IARS1: variants seen among roughly 807,000 people sequenced by gnomAD.
IARS1 encodes the protein isoleucyl-tRNA synthetase 1.
IARS1 carries 124 observed loss-of-function variants against 168.2 expected under a neutral mutation model. The ratio of observed to expected loss-of-function variants is 0.74; its 90% CI spans 0.64 to 0.86. IARS1 has a LOEUF of 0.86. Ranked by LOEUF, IARS1 falls within the 40% of genes least tolerant of loss-of-function variation. IARS1 has a pLI of 0.00. For synonymous variants in IARS1, 532 were observed against 529.4 expected (o/e 1.00, Z -0.07); for missense variants, 1,452 against 1,515.8 (o/e 0.96, Z 0.70).
At chr9:92,268,434 G>A in intron 13 of IARS1, 134 bp from the exon 14 acceptor site, 1 of 828,094 alleles carries the variant, frequency 1.2e-6, no homozygotes, top group Non-Finnish European at 1.9e-6. Flanking sequence ...ACTGCAAAGA[G>A]AATGTCTTCT....
chr9:92,265,104 G>A lies in IARS1; in HGVS notation c.1525C>T (p.Pro509Ser), dbSNP rs747920223. The A allele has an allele frequency of 6.2e-7, 1 of 1,613,568 alleles. No homozygotes were observed. Among genetic ancestry groups the A allele is most frequent in the East Asian group, 2.2e-5 (1 of 44,872 alleles). The change falls in exon 16 of 34, where the codon CCT (proline) becomes TCT (serine). Residue 509 changes from proline to serine, a missense_variant. By Grantham distance (74) the Pro-to-Ser change is moderately conservative. Coordinates refer to ENST00000443024, the MANE Select transcript of IARS1 (RefSeq NM_002161.6). ...AAGGATCCCTTCCCACAGCGTGAAG[G>A]AATGGTCAGGTGGTCAACACTAACA... ...HRESVDHLTIPSRCGKGSLHR... is the reference protein window; with the variant it reads ...HRESVDHLTISSRCGKGSLHR...
intron 20 of IARS1, chr9:92,253,942 C>T: frequency 2.2e-6 from 1 of 450,758 alleles, no homozygotes; most frequent in East Asian, 7.0e-5. Context: ...CCATGGGAAA[C>T]ATTTGTCAAC....
chr9:92,238,656 T>C (rs932153104), intron 30 of IARS1, among the ~76,000 whole-genome samples: 1 of 152,220 alleles, frequency 6.6e-6, no homozygotes, highest in African/African-American at 2.4e-5. Flanking sequence ...ACTAATACAG[T>C]TACTTAAAAC....
intron 13 of IARS1, among the ~76,000 whole-genome samples, chr9:92,268,889 C>T (rs1047632552): frequency 4.6e-5 from 7 of 152,234 alleles, no homozygotes; most frequent in Admixed American, 2.0e-4. Flanking sequence ...TGCATCCCTC[C>T]CACTCCCAGT....
rs76631712 is a variant in IARS1 at position 92,228,920 on chromosome 9, T to C, written c.3409+81A>G. 4.0e-3 allele frequency: 6,021 copies of C among 1,521,722 alleles called. 314 individuals carry two copies. The East Asian group carries it at 0.11, about 28-fold the overall frequency. The allele number at this position is 1,521,722 out of a possible 1,614,324, so 94.3% of individuals were successfully genotyped here. A position where few individuals can be genotyped will look rare whatever the true frequency, so the allele number is the denominator to read the frequency against. ...AGTTAGGAAAAATGCAAAAGTTGTA[T>C]AGTACAACTGACAGCAAATTAAGAC... On this transcript the variant is annotated intron_variant, in intron 31 of 33. Transcript: ENST00000443024.
Position 92,289,375 on chromosome 9 carries a change from T to C in IARS1, c.45A>G (p.Glu15=), listed in dbSNP as rs764505820. The C allele has an allele frequency of 1.9e-6, 3 of 1,594,784 alleles. No individual in the cohort carries two copies. Among genetic ancestry groups the C allele is most frequent in the East Asian group, 2.2e-5 (1 of 44,736 alleles). ...VPENINFPAE[E]EKILEFWTEF... ...CAGTCCAAAACTCCAAGATTTTCTC[T>C]TCTTCAGCAGGAAAATTTATGTTTT... The change falls in exon 2 of 34, where the codon GAA becomes GAG. Residue 15 remains glutamate, a synonymous_variant. Coordinates refer to ENST00000443024, the MANE Select transcript of IARS1 (RefSeq NM_002161.6).
chr9:92,280,654 C>A (rs887882856), intron 7 of IARS1, 92 bp downstream of exon 7: 28 of 717,280 alleles, frequency 3.9e-5, no homozygotes, highest in Non-Finnish European at 5.2e-5. Flanking sequence ...TAATTCTATT[C>A]TTCATGCAAA....
rs1183706065 is a variant in IARS1 at position 92,242,269 on chromosome 9, T to C, written c.3062A>G (p.Tyr1021Cys). The C allele has an allele frequency of 1.9e-6, 3 of 1,613,922 alleles. No individual in the cohort carries two copies. The East Asian group carries it at 6.7e-5, about 36-fold the overall frequency. The change falls in exon 29 of 34, where the codon TAT (tyrosine) becomes TGT (cysteine). Residue 1021 changes from tyrosine to cysteine, a missense_variant. Tyr to Cys is a radical substitution (Grantham distance 194, BLOSUM62 -2). Coordinates refer to ENST00000443024, the MANE Select transcript of IARS1 (RefSeq NM_002161.6). ...VYYKAKSEGT[Y>C]LNSVIESHTE... is the part of the protein sequence containing the mutation. ...GTGGCTTTCAATAACACTATTCAGA[T>C]ATGTTCCTTCAGACTTTGCTTTATA... is the stretch of plus-strand genomic sequence containing the variant.
chr9:92,224,887 G>A (rs1825407183), intron 31 of IARS1, among the ~76,000 whole-genome samples: 1 of 151,922 alleles, frequency 6.6e-6, no homozygotes, highest in Admixed American at 6.6e-5. Flanking sequence ...GTTCTATTCT[G>A]CCGCCAGCCA....
chr9:92,213,074 CTTTAGTA>C (rs978896597), intron 33 of IARS1, among the ~76,000 whole-genome samples: 9 of 151,886 alleles, frequency 5.9e-5, no homozygotes, highest in African/African-American at 2.2e-4. Context: ...AGAAATAGAG[CTTTAGTA>C]TTTAACATCA....
chr9:92,245,089 C>T lies in IARS1; in HGVS notation c.2792-18G>A. Reference sequence around the variant, plus strand: ...AATGGTCCCTATGGAGAAGCAGCTACACTGTTAATCAGCTTCCCCTCCTCT... The same window carrying T: ...AATGGTCCCTATGGAGAAGCAGCTATACTGTTAATCAGCTTCCCCTCCTCT... On this transcript the variant is annotated intron_variant, in intron 26 of 33. Transcript: ENST00000443024. 1 of 1,593,224 alleles carries T rather than the reference C, an allele frequency of 6.3e-7. No homozygotes were observed. The highest frequency in any genetic ancestry group is 8.6e-7 in the Non-Finnish European group (1 of 1,160,996).
At chr9:92,239,205 T>C (rs1401598213) in intron 30 of IARS1, among the ~76,000 whole-genome samples, 2 of 152,230 alleles carry the variant, frequency 1.3e-5, no homozygotes, top group African/African-American at 4.8e-5. Context: ...GGTAAGAACA[T>C]CCTTTAGCTA....
At position 92,288,288 on chromosome 9, in the gene IARS1, A is replaced by G. The variant is rs1302051312; in HGVS notation, c.120-6T>C. 1.9e-6 allele frequency: 3 copies of G among 1,613,752 alleles called. No homozygotes were observed. The highest frequency in any genetic ancestry group is 2.5e-6 in the Non-Finnish European group (3 of 1,179,736). On this transcript the variant is annotated splice_region_variant and splice_polypyrimidine_tract_variant and intron_variant, in intron 2 of 33. Transcript: ENST00000443024. ...GACCATCATAGAAGGTAAATCTAAC[A>G]GGTAATAAAAATATATCAAGCCATT... is the stretch of plus-strand genomic sequence containing the variant.
intron 14 of IARS1, among the ~76,000 whole-genome samples, chr9:92,266,842 C>T (rs561037338): frequency 2.0e-5 from 3 of 152,314 alleles, no homozygotes; most frequent in South Asian, 4.1e-4. Context: ...GATGTCTAGT[C>T]TTCAACTTTC....
chr9:92,243,125 G>T, intron 28 of IARS1, 91 bp downstream of exon 28: 1 of 845,538 alleles, frequency 1.2e-6, no homozygotes, highest in Non-Finnish European at 2.0e-6. Context: ...TGATCACTAT[G>T]GTTTATATTA....
rs559550844 is a variant in IARS1 at position 92,289,167 on chromosome 9, A to G, written c.119+134T>C. 7.8e-6 allele frequency: 4 copies of G among 512,206 alleles called. No homozygotes were observed. The East Asian group carries it at 1.4e-4, about 18-fold the overall frequency. 31.7% of individuals were successfully genotyped at this position (512,206 alleles called of 1,614,324 possible). ...GGTAGCAGTGAGCAGAGATTGCACC[A>G]CTGCCCTCCAGCCTGGATGACAGTG... On this transcript the variant is annotated intron_variant, in intron 2 of 33. Coordinates refer to ENST00000443024, the MANE Select transcript of IARS1 (RefSeq NM_002161.6).
chr9:92,272,864 C>CAAAAAAAA (rs869076663), intron 10 of IARS1, among the ~76,000 whole-genome samples: 28 of 57,020 alleles, frequency 4.9e-4, no homozygotes, highest in Non-Finnish European at 5.8e-4. Flanking sequence ...CAAAACAAAA[C>CAAAAAAAA]AAAAAAAAAA....
chr9:92,243,784 C>T lies in IARS1; in HGVS notation c.2905-473G>A, dbSNP rs548829457. Among the ~76,000 whole-genome samples the T allele has an allele frequency of 3.3e-5, 5 of 152,294 alleles. No homozygotes were observed. In the East Asian group the frequency reaches 9.6e-4, roughly 29 times the overall value. On this transcript the variant is annotated intron_variant, in intron 27 of 33. Transcript: ENST00000443024. ...CCTGTGATCTTCAGGTTTGTCAGAACGACTCAAGACAAATTCTACAATGGA... is the reference window on the plus strand; with the variant it reads ...CCTGTGATCTTCAGGTTTGTCAGAATGACTCAAGACAAATTCTACAATGGA...
At chr9:92,251,200 G>C (rs1252061807) in intron 22 of IARS1, 1 of 461,894 alleles carries the variant, frequency 2.2e-6, no homozygotes, top group African/African-American at 2.0e-5. Context: ...TGGAGGTGAT[G>C]AGATCAGGCA....
Sources: allele counts gnomAD v4.1 joint callset (sites outside exome capture counted in the v4.1 genomes callset), GRCh38; gene constraint gnomAD v4.1.1; transcripts MANE v1.5; gene names NCBI Gene and HGNC (gene_info 2026-07-23, HGNC 2026-07-21).